TMOD3: variants seen among roughly 807,000 people sequenced by gnomAD.
TMOD3 encodes the protein tropomodulin 3, also known as tropomodulin-3.
In TMOD3, 20 loss-of-function variants were observed where a neutral mutation model predicts 39.2. The observed-to-expected ratio is 0.51, with a 90% confidence interval of 0.36 to 0.74. The LOEUF (loss-of-function observed/expected upper bound fraction) is 0.74, where lower values mean the gene tolerates loss of function less well. Ranked by LOEUF, TMOD3 falls within the 30% of genes least tolerant of loss-of-function variation. TMOD3 has a pLI of 0.00. For missense variants in TMOD3, 381 were observed against 412.8 expected, an observed-to-expected ratio of 0.92 and a Z score of 0.67; for synonymous variants, 143 against 145.8, an observed-to-expected ratio of 0.98 and a Z score of 0.14.
chr15:51,894,261 G>A (rs1297372685), intron 6 of TMOD3, among the ~76,000 whole-genome samples: 3 of 151,816 alleles, frequency 2.0e-5, no homozygotes, highest in African/African-American at 4.8e-5. Context: ...TTTAAAATTC[G>A]GTTCCTTAGC....
At chr15:51,856,892 C>T (rs1342350376) in intron 1 of TMOD3, among the ~76,000 whole-genome samples, 2 of 152,166 alleles carry the variant, frequency 1.3e-5, no homozygotes, top group Non-Finnish European at 2.9e-5. Flanking sequence ...TATAAGCATA[C>T]CCTTTTCCCA....
chr15:51,860,997 G>C (rs939846332), intron 1 of TMOD3: 11 of 600,576 alleles, frequency 1.8e-5, no homozygotes, highest in Non-Finnish European at 3.0e-5. Context: ...CCTCTTTGCT[G>C]AGGCACTTCG....
At chr15:51,882,832 T>A (rs1259027932) in intron 3 of TMOD3, among the ~76,000 whole-genome samples, 1 of 152,120 alleles carries the variant, frequency 6.6e-6, no homozygotes, top group African/African-American at 2.4e-5. Context: ...AAAAAACAAC[T>A]GAGATTTTGA....
chr15:51,887,732 A>G (rs1472385480), intron 4 of TMOD3, 21 bp downstream of exon 4: 6 of 1,613,196 alleles, frequency 3.7e-6, no homozygotes, highest in Non-Finnish European at 5.1e-6. Flanking sequence ...AAACAAGTTA[A>G]TTTGTGAATA....
chr15:51,838,706 G>A (rs1430307717), intron 1 of TMOD3, among the ~76,000 whole-genome samples: 2 of 152,122 alleles, frequency 1.3e-5, no homozygotes, highest in African/African-American at 4.8e-5. Flanking sequence ...CCCTGAGGCA[G>A]GTGCCTCCTT....
At chr15:51,885,783 C>T (rs371260687) in intron 3 of TMOD3, among the ~76,000 whole-genome samples, 8 of 152,342 alleles carry the variant, frequency 5.3e-5, no homozygotes, top group South Asian at 2.1e-4. Context: ...CATCATGGCC[C>T]GTTCTCAATG....
intron 3 of TMOD3, among the ~76,000 whole-genome samples, chr15:51,879,792 T>C (rs970702694): frequency 6.6e-6 from 1 of 152,004 alleles, no homozygotes; most frequent in African/African-American, 2.4e-5. Flanking sequence ...CTTGGGACTA[T>C]GTGGTCTTTA....
At chr15:51,883,324 G>A (rs1267499402) in intron 3 of TMOD3, among the ~76,000 whole-genome samples, 1 of 152,028 alleles carries the variant, frequency 6.6e-6, no homozygotes, top group Non-Finnish European at 1.5e-5. Flanking sequence ...GGGAAATTAG[G>A]TACGAATAAT....
intron 1 of TMOD3, among the ~76,000 whole-genome samples, chr15:51,847,093 G>A (rs2056339679): frequency 6.6e-6 from 1 of 152,140 alleles, no homozygotes; most frequent in South Asian, 2.1e-4. Flanking sequence ...AAAGGAAGTG[G>A]GGCACCTACA....
At chr15:51,884,050 G>A (rs2056547692) in intron 3 of TMOD3, among the ~76,000 whole-genome samples, 1 of 152,158 alleles carries the variant, frequency 6.6e-6, no homozygotes, top group Admixed American at 6.5e-5. Flanking sequence ...ATTTGTTTGG[G>A]GGAAGAAGTC....
chr15:51,858,930 G>A (rs758116005), intron 1 of TMOD3, among the ~76,000 whole-genome samples: 10 of 152,134 alleles, frequency 6.6e-5, no homozygotes, highest in Non-Finnish European at 1.2e-4. Context: ...CCAGCTACTC[G>A]GGAGTCTGAG....
intron 9 of TMOD3, among the ~76,000 whole-genome samples, chr15:51,906,533 C>G (rs1453780132): frequency 1.3e-5 from 2 of 152,230 alleles, no homozygotes; most frequent in Non-Finnish European, 2.9e-5. Context: ...ATGCAATATT[C>G]TATTTACCTT....
intron 3 of TMOD3, among the ~76,000 whole-genome samples, chr15:51,887,252 T>G (rs2056569567): frequency 6.7e-6 from 1 of 149,102 alleles, no homozygotes; most frequent in East Asian, 1.9e-4. Flanking sequence ...GATTCTGTTT[T>G]TTTTTTTTTT....
chr15:51,890,328 G>C (rs1002156224), intron 5 of TMOD3, among the ~76,000 whole-genome samples: 1 of 143,438 alleles, frequency 7.0e-6, no homozygotes, highest in Non-Finnish European at 1.5e-5. Context: ...ACGCCACCTT[G>C]TCCAGCTAAT....
intron 1 of TMOD3, among the ~76,000 whole-genome samples, chr15:51,849,114 AT>A (rs1167027309): frequency 6.6e-6 from 1 of 152,182 alleles, no homozygotes; most frequent in Non-Finnish European, 1.5e-5. Flanking sequence ...AGCAGTGGAG[AT>A]GGTAAAGAGA....
In TMOD3 at chr15:51,902,644, A is replaced by ATTT. The variant is rs200954393; in HGVS notation, c.1024+629_1024+631dup. On this transcript the variant is annotated intron_variant, in intron 9 of 9. Coordinates refer to ENST00000308580, the MANE Select transcript of TMOD3 (RefSeq NM_014547.5). ...CGCGCCGTGCCCAGCTAATTTTTGT[A>ATTT]TTTTTTTTTTTTTTTTTTTTTTTGA... 1.9e-4 allele frequency among the ~76,000 whole-genome samples: 18 copies of ATTT among 95,014 alleles called. No individual in the cohort carries two copies. The East Asian group carries it at 2.7e-3, about 14-fold the overall frequency. The allele number at this position is 95,014 out of a possible 152,430, so 62.3% of individuals were successfully genotyped here. A position where few individuals can be genotyped will look rare whatever the true frequency, so the allele number is the denominator to read the frequency against.
intron 1 of TMOD3, chr15:51,835,089 G>A (rs1036329558): frequency 1.4e-4 from 21 of 152,346 alleles, no homozygotes; most frequent in African/African-American, 4.6e-4. Flanking sequence ...TGGCTTTTCT[G>A]TGGGTCGAGT....
chr15:51,871,892 C>T (rs528464502), intron 3 of TMOD3, among the ~76,000 whole-genome samples: 140 of 152,260 alleles, frequency 9.2e-4, no homozygotes, highest in African/African-American at 3.2e-3. Context: ...AGTGGTTTCT[C>T]TTTATAATAC....
chr15:51,905,575 G>C (rs896156487), intron 9 of TMOD3, among the ~76,000 whole-genome samples: 1 of 152,122 alleles, frequency 6.6e-6, no homozygotes, highest in Admixed American at 6.5e-5. Flanking sequence ...TGATTTATTT[G>C]GATTTTATGC....
Sources: gnomAD v4.1 joint callset for allele counts (sites outside exome capture counted in the v4.1 genomes callset) on GRCh38, gnomAD v4.1.1 for gene constraint, MANE v1.5 for transcripts, NCBI Gene and HGNC (gene_info 2026-07-23, HGNC 2026-07-21) for gene names.